Variants in GLT8D2 observed in about 807,000 individuals in gnomAD.
The protein encoded by GLT8D2 is glycosyltransferase 8 domain containing 2, also known as glycosyltransferase 8 domain-containing protein 2.
In GLT8D2, 45 loss-of-function variants were observed where a neutral mutation model predicts 44.5. That is an observed-to-expected ratio of 1.01 (90% CI 0.80 to 1.30). GLT8D2 has a LOEUF of 1.30. GLT8D2 is among the 50% of genes most tolerant of loss of function. The pLI is 0.00. For missense variants in GLT8D2, 400 were observed against 430.4 expected, an observed-to-expected ratio of 0.93 and a Z score of 0.62; for synonymous variants, 156 against 157.2, an observed-to-expected ratio of 0.99 and a Z score of 0.06.
chr12:104,000,424 A>G (rs1223560353), intron 5 of GLT8D2, among the ~76,000 whole-genome samples: 1 of 152,210 alleles, frequency 6.6e-6, no homozygotes, highest in Non-Finnish European at 1.5e-5. Context: ...ATTTTATACT[A>G]AGTGTTAGTG....
intron 1 of GLT8D2, among the ~76,000 whole-genome samples, chr12:104,061,600 AATAG>A (rs1197951783): frequency 6.6e-6 from 1 of 152,230 alleles, no homozygotes; most frequent in Non-Finnish European, 1.5e-5. Context: ...GAAAAATATT[AATAG>A]ATAAATATTC....
At chr12:104,037,615 T>G (rs1039766111) in intron 1 of GLT8D2, among the ~76,000 whole-genome samples, 1 of 152,192 alleles carries the variant, frequency 6.6e-6, no homozygotes, top group Non-Finnish European at 1.5e-5. Context: ...AATCTCTGAA[T>G]AGACCAATAA....
At position 104,004,429 on chromosome 12, in the gene GLT8D2, G is replaced by A. The variant is rs61549805; in HGVS notation, c.113-1123C>T. 7.8e-3 allele frequency among the ~76,000 whole-genome samples: 1,188 copies of A among 152,270 alleles called. 16 individuals carry two copies. Among genetic ancestry groups the A allele is most frequent in the African/African-American group, 0.027 (1,109 of 41,534 alleles). On this transcript the variant is annotated intron_variant, in intron 4 of 10. Transcript: ENST00000360814. The stretch of plus-strand genomic sequence containing the variant: ...AAAGGGTATTCATTTAGGAAAAGAG[G>A]AAGTCAAACTGTCCCTGTTTGCAGA...
intron 1 of GLT8D2, among the ~76,000 whole-genome samples, chr12:104,037,629 G>A (rs1880055309): frequency 6.6e-6 from 1 of 152,132 alleles, no homozygotes; most frequent in Non-Finnish European, 1.5e-5. Context: ...CCAATAACAG[G>A]CTCTGAAATT....
intron 1 of GLT8D2, among the ~76,000 whole-genome samples, chr12:104,034,595 T>C (rs994811817): frequency 3.9e-5 from 6 of 152,204 alleles, no homozygotes; most frequent in African/African-American, 1.4e-4. Context: ...TGGAAGGGCG[T>C]CCACCATTGC....
chr12:104,021,890 A>G (rs1455950597), intron 1 of GLT8D2, among the ~76,000 whole-genome samples: 6 of 7,824 alleles, frequency 7.7e-4, no homozygotes, highest in African/African-American at 2.0e-3. Flanking sequence ...AAGAAGAAGA[A>G]GAAGAAGAAG....
At chr12:104,050,784 A>G (rs1378055951), upstream of GLT8D2, among the ~76,000 whole-genome samples, 1 of 151,640 alleles carries the variant, frequency 6.6e-6, no homozygotes, top group Non-Finnish European at 1.5e-5. Context: ...GTGCTCTCCA[A>G]CAGAAATAAA....
At chr12:104,044,758 T>C (rs1221604873) in intron 1 of GLT8D2, among the ~76,000 whole-genome samples, 1 of 152,278 alleles carries the variant, frequency 6.6e-6, no homozygotes, top group African/African-American at 2.4e-5. Flanking sequence ...TCATATCAAG[T>C]TCATTTGAAA....
intron 1 of GLT8D2, among the ~76,000 whole-genome samples, chr12:104,043,352 C>T (rs1880761505): frequency 6.6e-6 from 1 of 152,202 alleles, no homozygotes; most frequent in Non-Finnish European, 1.5e-5. Context: ...CTCCAGATGC[C>T]ATTTGGCATC....
chr12:104,037,231 C>T (rs1232377913), intron 1 of GLT8D2, among the ~76,000 whole-genome samples: 1 of 152,124 alleles, frequency 6.6e-6, no homozygotes, highest in Non-Finnish European at 1.5e-5. Flanking sequence ...AAAATCGACA[C>T]CCTAACATCA....
rs1335454266 is a variant in GLT8D2, at chr12:104,029,034, G to A, written c.-163-7543C>T. Among the ~76,000 whole-genome samples, 5 of 152,324 alleles carry A rather than the reference G, an allele frequency of 3.3e-5. No homozygotes were observed. In the East Asian group the frequency reaches 9.6e-4, roughly 29 times the overall value. ...TGGCTGGGCTCAGTGGCTCACGCCT[G>A]TAATCCCAGCACTTTGGGAGGCTGA... On this transcript the variant is annotated intron_variant, in intron 1 of 10. Transcript: ENST00000360814.
intron 8 of GLT8D2, 74 bp downstream of exon 8, chr12:103,996,661 T>C: frequency 9.4e-7 from 1 of 1,063,278 alleles, no homozygotes; most frequent in African/African-American, 1.6e-5. Flanking sequence ...TACACTCATT[T>C]TGACTTGCAG....
At chr12:104,035,459 T>C (rs1041653015) in intron 1 of GLT8D2, among the ~76,000 whole-genome samples, 4 of 152,094 alleles carry the variant, frequency 2.6e-5, no homozygotes, top group Non-Finnish European at 5.9e-5. Flanking sequence ...ACAAACAGTG[T>C]ACAGAGGACC....
At chr12:104,028,951 C>A (rs1045821904) in intron 1 of GLT8D2, among the ~76,000 whole-genome samples, 129 of 151,670 alleles carry the variant, frequency 8.5e-4, no homozygotes, top group African/African-American at 2.9e-3. Context: ...AAAAAAAAAA[C>A]CACGTTGGGA....
At chr12:104,014,496 C>A in intron 4 of GLT8D2, 1 of 561,202 alleles carries the variant, frequency 1.8e-6, no homozygotes, top group Non-Finnish European at 3.2e-6. Context: ...GTTCTCAGTG[C>A]AGCTGGGAGA....
intron 10 of GLT8D2, among the ~76,000 whole-genome samples, chr12:103,990,901 T>G (rs1258877004): frequency 6.6e-6 from 1 of 152,216 alleles, no homozygotes; most frequent in Non-Finnish European, 1.5e-5. Flanking sequence ...GGGCTTGCAG[T>G]TTGGGTGATG....
chr12:104,029,456 C>T (rs1199982721), intron 1 of GLT8D2, among the ~76,000 whole-genome samples: 5 of 152,086 alleles, frequency 3.3e-5, no homozygotes, highest in Admixed American at 6.6e-5. Flanking sequence ...GTAGGAGACA[C>T]ATACATTAAT....
chr12:103,997,557 T>A, intron 6 of GLT8D2, 22 bp from the exon 7 acceptor site: 1 of 1,568,232 alleles, frequency 6.4e-7, no homozygotes, highest in South Asian at 1.1e-5. Context: ...ACAAAAGAAA[T>A]GATGGTGGGG....
At chr12:103,996,967 T>C in intron 7 of GLT8D2, 120 bp from the exon 8 acceptor site, 1 of 632,302 alleles carries the variant, frequency 1.6e-6, no homozygotes, top group South Asian at 2.2e-5. Context: ...ATCCCTGATT[T>C]CAAGTGGCTT....
Sources: gnomAD v4.1 joint callset for allele counts (sites outside exome capture counted in the v4.1 genomes callset) on GRCh38, gnomAD v4.1.1 for gene constraint, MANE v1.5 for transcripts, NCBI Gene and HGNC (gene_info 2026-07-23, HGNC 2026-07-21) for gene names.